Variants in RELN observed in about 807,000 individuals in gnomAD.
The protein encoded by RELN is reelin.
Under a neutral mutation model 427.6 loss-of-function variants are expected in RELN, and 108 were observed. The observed-to-expected ratio is 0.25, with a 90% CI of 0.22 to 0.30. The LOEUF (loss-of-function observed/expected upper bound fraction) is 0.30, where lower values mean the gene tolerates loss of function less well. Ranked by LOEUF, RELN falls within the 10% of genes least tolerant of loss-of-function variation. RELN has a pLI of 1.00. For missense variants in RELN, 3,715 were observed against 4,302.8 expected (o/e 0.86, Z 3.82); for synonymous variants, 1,524 against 1,513.4 (o/e 1.01, Z -0.16).
intron 3 of RELN, among the ~76,000 whole-genome samples, chr7:103,792,378 T>G (rs1213328463): frequency 1.3e-5 from 2 of 152,142 alleles, no homozygotes; most frequent in Non-Finnish European, 2.9e-5. Flanking sequence ...CAACGGAATA[T>G]TATTCAACCA....
chr7:103,978,364 T>C (rs2116836271), intron 1 of RELN, among the ~76,000 whole-genome samples: 1 of 152,342 alleles, frequency 6.6e-6, no homozygotes, highest in Admixed American at 6.5e-5. Flanking sequence ...ATATAATGCC[T>C]TCCAGGTTCA....
At chr7:103,906,410 T>G (rs73403953) in intron 2 of RELN, among the ~76,000 whole-genome samples, 116 of 152,310 alleles carry the variant, frequency 7.6e-4, no homozygotes, top group Non-Finnish European at 1.3e-3. Flanking sequence ...ACCGGGCAGA[T>G]AGCAAGTGCT....
At chr7:103,749,391 A>C in intron 6 of RELN, 35 bp downstream of exon 6, 1 of 1,538,750 alleles carries the variant, frequency 6.5e-7, no homozygotes, top group Non-Finnish European at 9.0e-7. Flanking sequence ...TGTTACATTA[A>C]GCAAACCAAA....
At chr7:103,782,613 A>G (rs1328596183) in intron 3 of RELN, among the ~76,000 whole-genome samples, 1 of 152,176 alleles carries the variant, frequency 6.6e-6, no homozygotes, top group African/African-American at 2.4e-5. Flanking sequence ...ATATGAAGGA[A>G]TCAGAGGTAT....
chr7:103,796,176 C>T (rs1460421593), intron 3 of RELN, among the ~76,000 whole-genome samples: 2 of 152,094 alleles, frequency 1.3e-5, no homozygotes, highest in African/African-American at 4.8e-5. Flanking sequence ...AGCACTTATC[C>T]CTTTAAATTA....
intron 2 of RELN, among the ~76,000 whole-genome samples, chr7:103,904,315 TAC>T (rs1795147178): frequency 6.6e-6 from 1 of 152,180 alleles, no homozygotes; most frequent in East Asian, 1.9e-4. Flanking sequence ...GCAATAAACA[TAC>T]GTGTCCATGT....
At chr7:103,879,763 G>C (rs1404531571) in intron 2 of RELN, among the ~76,000 whole-genome samples, 1 of 152,160 alleles carries the variant, frequency 6.6e-6, no homozygotes, top group East Asian at 1.9e-4. Context: ...AACCTTGACT[G>C]CTGTCTTTCC....
intron 10 of RELN, among the ~76,000 whole-genome samples, chr7:103,682,859 T>C (rs1220198913): frequency 1.3e-5 from 2 of 152,174 alleles, no homozygotes; most frequent in Non-Finnish European, 2.9e-5. Flanking sequence ...TGGGAAACTA[T>C]GAACTTTGTT....
chr7:103,780,938 C>T (rs1791873371), intron 3 of RELN, among the ~76,000 whole-genome samples: 1 of 152,204 alleles, frequency 6.6e-6, no homozygotes, highest in South Asian at 2.1e-4. Context: ...CTCAGCCATG[C>T]TGCTGCCCAA....
chr7:103,491,856 T>TCTCTCTCTCTCTCTCTCACACA (rs57217576), intron 58 of RELN, 97 bp downstream of exon 58: 1 of 244,048 alleles, frequency 4.1e-6, no homozygotes, highest in African/African-American at 3.8e-5. Flanking sequence ...TCTCTCTCTC[T>TCTCTCTCTCTCTCTCTCACACA]CACACACACA....
intron 46 of RELN, among the ~76,000 whole-genome samples, chr7:103,524,250 G>A (rs555662598): frequency 6.8e-4 from 103 of 152,272 alleles, no homozygotes; most frequent in Non-Finnish European, 1.1e-3. Flanking sequence ...GCAGCCGCAA[G>A]CCCTCTGCAT....
chr7:103,519,544 A>G, intron 48 of RELN, 28 bp from the exon 49 acceptor site: 1 of 1,540,962 alleles, frequency 6.5e-7, no homozygotes, highest in Non-Finnish European at 9.0e-7. Context: ...AATAAAAAAA[A>G]GTGATAAGGA....
chr7:103,589,986 G>A (rs181200855), intron 27 of RELN, among the ~76,000 whole-genome samples, 158 bp from the exon 28 acceptor site: 1 of 151,674 alleles, frequency 6.6e-6, no homozygotes, highest in East Asian at 1.9e-4. Context: ...CCCTTCAATA[G>A]ATTCTGGAAT....
rs151178392 is a variant in RELN, at chr7:103,787,793, C to A, written c.474-11166G>T. Reference sequence around the variant, plus strand: ...GGTACCATTCCTTCTGAAACTATTCCAAACATCAGAAAAAGAGGGAATCCT... The same window carrying A: ...GGTACCATTCCTTCTGAAACTATTCAAAACATCAGAAAAAGAGGGAATCCT... On this transcript the variant is annotated intron_variant, in intron 3 of 64. Coordinates refer to ENST00000428762, the MANE Select transcript of RELN (RefSeq NM_005045.4). Among the ~76,000 whole-genome samples, 863 of 152,228 alleles carry A rather than the reference C, an allele frequency of 5.7e-3. 6 individuals carry two copies. The highest frequency in any genetic ancestry group is 0.02 in the African/African-American group (812 of 41,528).
chr7:103,813,526 AAGAATATTTATAATTTT>A (rs1792795083), intron 3 of RELN, among the ~76,000 whole-genome samples: 1 of 128,590 alleles, frequency 7.8e-6, no homozygotes. Flanking sequence ...TACTTAATTT[AAGAATATTTATAATTTT>A]AGAATATTTA....
chr7:103,513,731 A>C (rs922846166), intron 50 of RELN: 8 of 152,164 alleles, frequency 5.3e-5, no homozygotes, highest in Non-Finnish European at 1.0e-4. Flanking sequence ...TTATATTCAA[A>C]TATATCCAAG....
Position 103,500,870 on chromosome 7 carries a change from C to T in RELN, c.8542G>A (p.Asp2848Asn), listed in dbSNP as rs147624295. The T allele has an allele frequency of 6.2e-6, 10 of 1,614,102 alleles. No homozygotes were observed. Among genetic ancestry groups the T allele is most frequent in the Admixed American group, 3.3e-5 (2 of 60,022 alleles). Residue 2848 changes from aspartate (D) to asparagine (N), a missense_variant, in exon 53 of 65, where the codon GAT (aspartate) becomes AAT (asparagine). Physicochemically the swap from Asp to Asn is conservative, Grantham distance 23. Transcript: ENST00000428762. The stretch of plus-strand genomic sequence containing the variant: ...CATCCAGGGCCCAGGTAGAAATTAT[C>T]GATTGCCCACTGCATGTCTGAGTAC... Reference protein sequence around the residue: ...QKYSDMQWAIDNFYLGPGCLD... With the variant: ...QKYSDMQWAINNFYLGPGCLD...
intron 64 of RELN, among the ~76,000 whole-genome samples, chr7:103,474,683 T>C (rs1827971050): frequency 6.6e-6 from 1 of 152,092 alleles, no homozygotes; most frequent in Non-Finnish European, 1.5e-5. Context: ...GCTCCTTTAT[T>C]CACAAAATCT....
At chr7:103,593,544 C>T in intron 27 of RELN, 138 bp downstream of exon 27, 2 of 768,214 alleles carry the variant, frequency 2.6e-6, no homozygotes, top group Non-Finnish European at 4.4e-6. Context: ...GCAATTCTAA[C>T]ACTGTTAAGC....
Sources: allele counts gnomAD v4.1 joint callset (sites outside exome capture counted in the v4.1 genomes callset), GRCh38; gene constraint gnomAD v4.1.1; transcripts MANE v1.5; gene names NCBI Gene and HGNC (gene_info 2026-07-23, HGNC 2026-07-21).